PCDHA4: variants seen among roughly 807,000 people sequenced by gnomAD.
The protein encoded by PCDHA4 is protocadherin alpha-4.
A neutral mutation model predicts 61.4 loss-of-function variants in PCDHA4; 49 were observed. The ratio of observed to expected loss-of-function variants is 0.80; its 90% CI spans 0.63 to 1.01. The LOEUF (loss-of-function observed/expected upper bound fraction) is 1.01, where lower values mean the gene tolerates loss of function less well. Ranked by LOEUF, PCDHA4 falls within the 50% of genes least tolerant of loss-of-function variation. The pLI, the probability that PCDHA4 is intolerant of heterozygous loss-of-function variation, is 0.00. For synonymous variants in PCDHA4, 590 were observed against 550.3 expected, an observed-to-expected ratio of 1.07 and a Z score of -1.01; for missense variants, 1,254 against 1,235.8, an observed-to-expected ratio of 1.01 and a Z score of -0.22.
chr5:140,878,318 C>T (rs2057536608), intron 1 of PCDHA4, among the ~76,000 whole-genome samples: 1 of 152,176 alleles, frequency 6.6e-6, no homozygotes, highest in African/African-American at 2.4e-5. Context: ...TAGACATTTT[C>T]ACATTATATT....
chr5:140,985,039 G>A lies in PCDHA4; in HGVS notation c.2533+2476G>A, dbSNP rs112093918. Among the ~76,000 whole-genome samples the A allele has an allele frequency of 5.2e-3, 789 of 152,178 alleles. 6 individuals carry two copies. Among genetic ancestry groups the A allele is most frequent in the African/African-American group, 0.018 (750 of 41,516 alleles). ...AGCAACCTCTGCCTCCTGGGTTCAA[G>A]TGATTCTCCTGCCTCAGCCTCCTGA... On this transcript the variant is annotated intron_variant, in intron 3 of 3. Transcript: ENST00000530339.
chr5:140,992,235 G>A (rs1272038759), intron 3 of PCDHA4, among the ~76,000 whole-genome samples: 7 of 152,154 alleles, frequency 4.6e-5, no homozygotes, highest in African/African-American at 1.7e-4. Flanking sequence ...GGAAGAGTAA[G>A]GAAGGAAGTA....
chr5:140,886,827 G>GAAAA (rs782016620), intron 1 of PCDHA4, among the ~76,000 whole-genome samples: 11 of 60,864 alleles, frequency 1.8e-4, no homozygotes, highest in Admixed American at 1.8e-4. Context: ...ACTTCGTCTT[G>GAAAA]AAAAAAAAAA....
At chr5:140,948,305 T>C (rs1554218512) in intron 1 of PCDHA4, among the ~76,000 whole-genome samples, 1 of 151,622 alleles carries the variant, frequency 6.6e-6, no homozygotes, top group African/African-American at 2.4e-5. Context: ...ATATCTTTTC[T>C]TCTTGAGGGG....
At chr5:140,830,014 C>A (rs2150179616) in intron 1 of PCDHA4, 1 of 1,613,898 alleles carries the variant, frequency 6.2e-7, no homozygotes, top group South Asian at 1.1e-5. Context: ...ACGAAGCGGA[C>A]TCTCCGCGCC....
At chr5:140,877,116 C>T in intron 1 of PCDHA4, 4 of 1,613,672 alleles carry the variant, frequency 2.5e-6, no homozygotes, top group Non-Finnish European at 2.5e-6. Context: ...TGGGCAGCAA[C>T]GTGACGCTGC....
At chr5:140,883,760 CG>C (rs1160842473) in intron 1 of PCDHA4, 1 of 1,612,672 alleles carries the variant, frequency 6.2e-7, no homozygotes, top group Non-Finnish European at 8.5e-7. Context: ...GGTGGAGCGG[CG>C]GGTGGGCGAG....
chr5:140,809,631 C>T (rs782121997), intron 1 of PCDHA4, 59 bp downstream of exon 1: 5 of 1,502,120 alleles, frequency 3.3e-6, no homozygotes, highest in Non-Finnish European at 3.6e-6. Context: ...TCAACTTCTT[C>T]GTAAATTTAT....
Position 140,808,639 on chromosome 5 carries a change from G to T in PCDHA4, c.1452G>T (p.Ala484=), listed in dbSNP as rs782266582. 1 of 1,613,450 alleles carries T rather than the reference G, an allele frequency of 6.2e-7. No individual in the cohort carries two copies. The highest frequency in any genetic ancestry group is 8.5e-7 in the Non-Finnish European group (1 of 1,179,884). Residue 484 remains alanine, a synonymous_variant, in exon 1 of 4, where the codon GCG becomes GCT. Coordinates refer to ENST00000530339, the MANE Select transcript of PCDHA4 (RefSeq NM_018907.4). The part of the protein sequence containing the change: ...IFTVSAWDAD[A]QENALVSYSL... ...CTGTGTCTGCGTGGGACGCGGACGC[G>T]CAGGAGAACGCGCTGGTGTCCTACT... is the stretch of plus-strand genomic sequence containing the variant.
intron 1 of PCDHA4, among the ~76,000 whole-genome samples, chr5:140,964,381 T>C (rs1008874330): frequency 1.3e-5 from 2 of 152,176 alleles, no homozygotes. Flanking sequence ...AGGAGAGTCC[T>C]GGTTTTTCTC....
chr5:141,000,292 T>C (rs2097899521), intron 3 of PCDHA4, among the ~76,000 whole-genome samples: 1 of 149,730 alleles, frequency 6.7e-6, no homozygotes, highest in Non-Finnish European at 1.5e-5. Flanking sequence ...GGAATATTGC[T>C]TGAGGCCAGG....
intron 3 of PCDHA4, among the ~76,000 whole-genome samples, chr5:141,007,451 C>A (rs2098330384): frequency 6.6e-6 from 1 of 151,640 alleles, no homozygotes; most frequent in Non-Finnish European, 1.5e-5. Context: ...GCCTGTAGTC[C>A]CAGCTACTCA....
chr5:140,824,006 T>G (rs2150131396), intron 1 of PCDHA4: 2 of 1,613,804 alleles, frequency 1.2e-6, no homozygotes, highest in Admixed American at 3.3e-5. Context: ...TCCAGCGCGG[T>G]GGGGAGCTGG....
chr5:140,831,953 T>G (rs1771773742), intron 1 of PCDHA4, among the ~76,000 whole-genome samples: 3 of 152,194 alleles, frequency 2.0e-5, no homozygotes, highest in Admixed American at 2.0e-4. Context: ...AAAGAAAAAC[T>G]TTATGTCATT....
intron 1 of PCDHA4, among the ~76,000 whole-genome samples, chr5:140,881,178 G>A (rs924852150): frequency 2.0e-5 from 3 of 152,098 alleles, no homozygotes; most frequent in African/African-American, 7.2e-5. Flanking sequence ...TCTTTTCCTT[G>A]CTAAAGATAT....
intron 1 of PCDHA4, among the ~76,000 whole-genome samples, chr5:140,837,977 C>T (rs1377931639): frequency 6.6e-6 from 1 of 151,682 alleles, no homozygotes; most frequent in Non-Finnish European, 1.5e-5. Flanking sequence ...CCACACCCAG[C>T]CTGCCTTTCA....
intron 1 of PCDHA4, chr5:140,821,702 T>A: frequency 7.0e-7 from 1 of 1,423,086 alleles, no homozygotes; most frequent in Admixed American, 2.2e-5. Context: ...AATATATAGT[T>A]AATTGGGAAT....
rs782019485 is a variant in PCDHA4, at chr5:140,808,219, C to G, written c.1032C>G (p.Asn344Lys). ...CRVIVEVEDN[N>K]DNVPDLEFKS... Reference sequence around the variant, plus strand: ...TTATTGTGGAAGTAGAAGACAACAACGATAATGTCCCAGATTTGGAATTCA... The same window carrying G: ...TTATTGTGGAAGTAGAAGACAACAAGGATAATGTCCCAGATTTGGAATTCA... Residue 344 changes from asparagine to lysine, a missense_variant, in exon 1 of 4, where the codon AAC (asparagine) becomes AAG (lysine). Transcript: ENST00000530339. 6 of 1,614,194 alleles carry G rather than the reference C, an allele frequency of 3.7e-6. No homozygotes were observed. The Admixed American group carries it at 1.0e-4, about 27-fold the overall frequency.
At chr5:140,843,795 T>C in intron 1 of PCDHA4, 2 of 1,353,268 alleles carry the variant, frequency 1.5e-6, no homozygotes, top group Non-Finnish European at 2.0e-6. Flanking sequence ...AGATTTAGTT[T>C]TTCACCGTAT....
Sources: gnomAD v4.1 joint callset for allele counts (sites outside exome capture counted in the v4.1 genomes callset) on GRCh38, gnomAD v4.1.1 for gene constraint, MANE v1.5 for transcripts, NCBI Gene and HGNC (gene_info 2026-07-23, HGNC 2026-07-21) for gene names.